Variants in LHFPL6 observed in about 807,000 individuals in gnomAD.
LHFPL6 encodes the protein LHFPL tetraspan subfamily member 6 protein.
Under a neutral mutation model 20.6 loss-of-function variants are expected in LHFPL6, and 9 were observed. That is an observed-to-expected ratio of 0.44 (90% CI 0.26 to 0.76). The LOEUF is 0.76. Among genes scored for constraint, LHFPL6 ranks in the 30% least tolerant of loss-of-function variants. The pLI, the probability that LHFPL6 is intolerant of heterozygous loss-of-function variation, is 0.20. For synonymous variants in LHFPL6, 105 were observed against 98.7 expected (o/e 1.06, Z -0.38); for missense variants, 218 against 253.5 (o/e 0.86, Z 0.95).
intron 2 of LHFPL6, among the ~76,000 whole-genome samples, chr13:39,522,395 T>A (rs574122152): frequency 5.5e-4 from 83 of 152,168 alleles, no homozygotes; most frequent in African/African-American, 1.9e-3. Context: ...ACCAGTACAC[T>A]GTTGTTAGCA....
chr13:39,602,100 G>T (rs1423652668), intron 1 of LHFPL6, among the ~76,000 whole-genome samples: 1 of 152,162 alleles, frequency 6.6e-6, no homozygotes. Flanking sequence ...CCCACTGAAT[G>T]ATTGTCTAAT....
intron 2 of LHFPL6, among the ~76,000 whole-genome samples, chr13:39,455,066 C>T (rs1872538201): frequency 6.6e-6 from 1 of 152,074 alleles, no homozygotes. Context: ...AAAATGGGCC[C>T]TCACCAGACA....
intron 3 of LHFPL6, among the ~76,000 whole-genome samples, chr13:39,376,005 A>G (rs1870286335): frequency 6.6e-6 from 1 of 152,208 alleles, no homozygotes. Flanking sequence ...ACATTAAAAA[A>G]CAATTACCAC....
intron 2 of LHFPL6, among the ~76,000 whole-genome samples, chr13:39,566,081 T>A (rs1871706287): frequency 6.6e-6 from 1 of 152,204 alleles, no homozygotes; most frequent in South Asian, 2.1e-4. Context: ...AAAAACCATG[T>A]ATACTTATTA....
At chr13:39,401,961 C>T (rs1209839537) in intron 2 of LHFPL6, among the ~76,000 whole-genome samples, 1 of 152,100 alleles carries the variant, frequency 6.6e-6, no homozygotes, top group Non-Finnish European at 1.5e-5. Flanking sequence ...TACTTTTAGA[C>T]AGATGTATAC....
In LHFPL6 at chr13:39,345,512, C is replaced by CAAAA. The variant is rs71077225; in HGVS notation, c.485-1462_485-1459dup. On this transcript the variant is annotated intron_variant, in intron 3 of 3. Coordinates refer to ENST00000379589, the MANE Select transcript of LHFPL6 (RefSeq NM_005780.3). ...TGGGTCAGGGAGCGAGACTCCATCT[C>CAAAA]AAAAAAAAAAAAAAAAAAAAAAAAA... Among the ~76,000 whole-genome samples, 108 of 43,406 alleles carry CAAAA rather than the reference C, an allele frequency of 2.5e-3. 5 individuals are homozygous for CAAAA. The highest frequency in any genetic ancestry group is 6.3e-3 in the African/African-American group (93 of 14,744). 28.5% of individuals were successfully genotyped at this position (43,406 alleles called of 152,430 possible). A position where few individuals can be genotyped will look rare whatever the true frequency, so the allele number is the denominator to read the frequency against.
intron 2 of LHFPL6, among the ~76,000 whole-genome samples, chr13:39,414,997 T>G (rs1871312974): frequency 6.6e-6 from 1 of 152,174 alleles, no homozygotes; most frequent in South Asian, 2.1e-4. Flanking sequence ...AAACACACAA[T>G]GAAAAGGATC....
intron 2 of LHFPL6, among the ~76,000 whole-genome samples, chr13:39,509,132 T>C (rs1387631591): frequency 1.3e-5 from 2 of 152,182 alleles, no homozygotes; most frequent in Non-Finnish European, 2.9e-5. Context: ...TTATTTGCCA[T>C]CCATGAAACG....
At chr13:39,355,493 C>T (rs1222882539) in intron 3 of LHFPL6, among the ~76,000 whole-genome samples, 1 of 152,098 alleles carries the variant, frequency 6.6e-6, no homozygotes, top group Non-Finnish European at 1.5e-5. Context: ...TATAAAACAA[C>T]CAGCTAACAA....
At chr13:39,426,920 G>A (rs905138060) in intron 2 of LHFPL6, among the ~76,000 whole-genome samples, 1 of 151,568 alleles carries the variant, frequency 6.6e-6, no homozygotes, top group Non-Finnish European at 1.5e-5. Context: ...ACCAATTTTG[G>A]GTTAATTTTT....
At chr13:39,512,108 TATAAAG>T (rs1869728754) in intron 2 of LHFPL6, among the ~76,000 whole-genome samples, 1 of 152,172 alleles carries the variant, frequency 6.6e-6, no homozygotes, top group South Asian at 2.1e-4. Context: ...ACTTTTAAGG[TATAAAG>T]ATAATGTCAA....
chr13:39,411,920 T>C (rs1871247658), intron 2 of LHFPL6, among the ~76,000 whole-genome samples: 1 of 152,242 alleles, frequency 6.6e-6, no homozygotes, highest in Non-Finnish European at 1.5e-5. Context: ...ATGTGTGCTG[T>C]TTCTCATCAT....
intron 2 of LHFPL6, among the ~76,000 whole-genome samples, chr13:39,592,961 T>C (rs1195128752): frequency 6.6e-6 from 1 of 152,184 alleles, no homozygotes; most frequent in Non-Finnish European, 1.5e-5. Context: ...TAGGTATTGA[T>C]GGACGTATCT....
chr13:39,347,656 C>G (rs890978577), intron 3 of LHFPL6, among the ~76,000 whole-genome samples: 15 of 152,200 alleles, frequency 9.9e-5, no homozygotes, highest in Non-Finnish European at 1.8e-4. Context: ...CCGAGTCCCC[C>G]TTCACAGGTC....
intron 2 of LHFPL6, among the ~76,000 whole-genome samples, chr13:39,462,601 C>A (rs1351440156): frequency 6.6e-6 from 1 of 152,094 alleles, no homozygotes; most frequent in East Asian, 1.9e-4. Context: ...CAAATAAATG[C>A]CACAGACCAG....
chr13:39,412,244 C>T (rs767671625), intron 2 of LHFPL6, among the ~76,000 whole-genome samples: 15 of 152,138 alleles, frequency 9.9e-5, no homozygotes, highest in Non-Finnish European at 2.2e-4. Context: ...TGATTTAGAA[C>T]ACTTTGAAAA....
At chr13:39,478,307 G>C (rs978350350) in intron 2 of LHFPL6, among the ~76,000 whole-genome samples, 1 of 152,122 alleles carries the variant, frequency 6.6e-6, no homozygotes, top group Non-Finnish European at 1.5e-5. Flanking sequence ...TTGAGTCTCT[G>C]TGGGTTGCCA....
rs114307524 is a variant in LHFPL6 at position 39,392,931 on chromosome 13, G to A, written c.386-14405C>T. On this transcript the variant is annotated intron_variant, in intron 2 of 3. Transcript: ENST00000379589. The stretch of plus-strand genomic sequence containing the variant: ...TCAAAAATATTTTGAAAAAATTTAC[G>A]TTCACACTGAACACGCAAACTTCTT... Among the ~76,000 whole-genome samples the A allele has an allele frequency of 7.1e-3, 1,076 of 152,134 alleles. 15 individuals are homozygous for A. The highest frequency in any genetic ancestry group is 0.025 in the African/African-American group (1,036 of 41,500).
At position 39,375,211 on chromosome 13, in the gene LHFPL6, T is replaced by C. The variant is rs551649668; in HGVS notation, c.484+3217A>G. Among the ~76,000 whole-genome samples, 7 of 152,290 alleles carry C rather than the reference T, an allele frequency of 4.6e-5. No homozygotes were observed. The South Asian group carries it at 1.5e-3, about 32-fold the overall frequency. On this transcript the variant is annotated intron_variant, in intron 3 of 3. Coordinates refer to ENST00000379589, the MANE Select transcript of LHFPL6 (RefSeq NM_005780.3). ...AGGTGTGGCAGAGGCAAGCAGCATG[T>C]TTGCTGGAGCCATCTTAACCAAGAA...
Sources: allele counts gnomAD v4.1 joint callset (sites outside exome capture counted in the v4.1 genomes callset), GRCh38; gene constraint gnomAD v4.1.1; transcripts MANE v1.5; gene names NCBI Gene and HGNC (gene_info 2026-07-23, HGNC 2026-07-21).